SPIRE1: variants seen among roughly 807,000 people sequenced by gnomAD.
SPIRE1 encodes the protein protein spire homolog 1.
Under a neutral mutation model 94.1 loss-of-function variants are expected in SPIRE1, and 40 were observed. The observed-to-expected ratio is 0.43, with a 90% CI of 0.33 to 0.55. SPIRE1 has a LOEUF of 0.55. Ranked by LOEUF, SPIRE1 falls within the 20% of genes least tolerant of loss-of-function variation. The pLI is 0.06. For synonymous variants in SPIRE1, 376 were observed against 371.7 expected, an observed-to-expected ratio of 1.01 and a Z score of -0.13; for missense variants, 838 against 975.2, an observed-to-expected ratio of 0.86 and a Z score of 1.87.
upstream of SPIRE1, chr18:12,658,433 G>A (rs2038624856): frequency 2.5e-5 from 10 of 402,784 alleles, no homozygotes; most frequent in Non-Finnish European, 4.6e-5. Flanking sequence ...GGGGCCGGGC[G>A]CGCGGTCGGG....
intron 2 of SPIRE1, among the ~76,000 whole-genome samples, chr18:12,622,166 G>A (rs1342951729): frequency 6.6e-6 from 1 of 152,172 alleles, no homozygotes; most frequent in Admixed American, 6.5e-5. Flanking sequence ...TGCTTACCAT[G>A]GGTCAGTTGG....
intron 1 of SPIRE1, among the ~76,000 whole-genome samples, chr18:12,653,647 C>A (rs907504560): frequency 6.6e-6 from 1 of 152,202 alleles, no homozygotes; most frequent in Non-Finnish European, 1.5e-5. Flanking sequence ...CCCTAAACGT[C>A]CATTTAGAAA....
intron 1 of SPIRE1, among the ~76,000 whole-genome samples, chr18:12,645,302 G>C (rs192517834): frequency 6.0e-4 from 92 of 152,252 alleles, no homozygotes; most frequent in Non-Finnish European, 1.1e-3. Flanking sequence ...AAGGAGCTTG[G>C]TGGGAATCAA....
chr18:12,539,587 GCACACACA>G (rs57030414), intron 3 of SPIRE1, among the ~76,000 whole-genome samples: 7 of 139,014 alleles, frequency 5.0e-5, no homozygotes, highest in African/African-American at 1.3e-4. Flanking sequence ...ACACACACAC[GCACACACA>G]CACACACACA....
chr18:12,573,712 AC>A (rs1408710109), intron 2 of SPIRE1, among the ~76,000 whole-genome samples: 1 of 151,866 alleles, frequency 6.6e-6, no homozygotes, highest in African/African-American at 2.4e-5. Context: ...TAAAAAGTGA[AC>A]CCTTATGTAC....
At chr18:12,588,781 GT>G (rs1401702304) in intron 2 of SPIRE1, among the ~76,000 whole-genome samples, 1 of 152,018 alleles carries the variant, frequency 6.6e-6, no homozygotes, top group African/African-American at 2.4e-5. Context: ...CTAAATCTTT[GT>G]TTTTTTAACT....
intron 10 of SPIRE1, among the ~76,000 whole-genome samples, chr18:12,472,192 C>T (rs2032388371): frequency 6.6e-6 from 1 of 152,018 alleles, no homozygotes; most frequent in Admixed American, 6.6e-5. Context: ...GTGGCTCATG[C>T]CTGTAATCCT....
At chr18:12,648,854 C>T (rs2038295641) in intron 1 of SPIRE1, among the ~76,000 whole-genome samples, 1 of 131,742 alleles carries the variant, frequency 7.6e-6, no homozygotes. Context: ...CGCGCCATTG[C>T]ACTCCAGCCT....
chr18:12,624,018 G>A (rs1302476011), intron 2 of SPIRE1, among the ~76,000 whole-genome samples: 4 of 151,348 alleles, frequency 2.6e-5, no homozygotes, highest in African/African-American at 9.7e-5. Flanking sequence ...CTGCCTCAAG[G>A]GTTCAAGCCA....
chr18:12,592,859 C>A (rs1407819918), intron 2 of SPIRE1, among the ~76,000 whole-genome samples: 3 of 152,176 alleles, frequency 2.0e-5, no homozygotes, highest in Admixed American at 6.5e-5. Flanking sequence ...CTAATCCAGT[C>A]GTTGTTTTCC....
rs1245383291 is a variant in SPIRE1, at chr18:12,449,055, A to G, written c.*583T>C. The G allele has an allele frequency of 6.5e-6, 1 of 153,746 alleles. No individual in the cohort carries two copies. Among genetic ancestry groups the G allele is most frequent in the Non-Finnish European group, 1.5e-5 (1 of 68,962 alleles). The allele number at this position is 153,746 out of a possible 1,614,324, so 9.5% of individuals were successfully genotyped here. ...TACAGCTCTTCAGATGTTTTGCACT[A>G]GAATGCAGGCAAAAAGTCCCTTATG... On this transcript the variant is annotated 3_prime_UTR_variant, in exon 17 of 17. Transcript: ENST00000409402.
intron 10 of SPIRE1, among the ~76,000 whole-genome samples, chr18:12,473,676 T>C (rs1267469391): frequency 3.9e-5 from 6 of 152,184 alleles, no homozygotes; most frequent in Admixed American, 3.9e-4. Flanking sequence ...TTGTAATTGA[T>C]AATGTAAATA....
At chr18:12,612,850 T>C (rs1039619911) in intron 2 of SPIRE1, among the ~76,000 whole-genome samples, 1 of 152,188 alleles carries the variant, frequency 6.6e-6, no homozygotes, top group Non-Finnish European at 1.5e-5. Flanking sequence ...CAATACCTTT[T>C]TCCTTATCTC....
chr18:12,617,159 ATTTTTTT>A (rs60768224), intron 2 of SPIRE1, among the ~76,000 whole-genome samples: 4 of 137,458 alleles, frequency 2.9e-5, no homozygotes, highest in African/African-American at 8.3e-5. Flanking sequence ...CATGCTCACT[ATTTTTTT>A]TTTTTTTTTT....
At position 12,657,762 on chromosome 18, in the gene SPIRE1, G is replaced by GC; in HGVS notation, c.104dup (p.Ser36LeufsTer79). The GC allele has an allele frequency of 1.5e-6, 2 of 1,340,172 alleles. No individual in the cohort carries two copies. The highest frequency in any genetic ancestry group is 1.8e-5 in the South Asian group (1 of 56,798). The allele number at this position is 1,340,172 out of a possible 1,614,324, so 83.0% of individuals were successfully genotyped here. ...CCTCCAGGCTCAGCGCGTCCCGGGA[G>GC]CCCCCGGCCGCGCCGCCGGCTGCCC... On this transcript the variant is annotated frameshift_variant, in exon 1 of 17. Coordinates refer to ENST00000409402, the MANE Select transcript of SPIRE1 (RefSeq NM_001128626.2). LOFTEE classifies it high-confidence loss of function.
At chr18:12,519,985 T>C (rs1250548407) in intron 4 of SPIRE1, among the ~76,000 whole-genome samples, 2 of 152,184 alleles carry the variant, frequency 1.3e-5, no homozygotes, top group Non-Finnish European at 2.9e-5. Flanking sequence ...TTAAAAATTA[T>C]CCATGACACC....
chr18:12,526,302 T>C (rs1203259256), intron 4 of SPIRE1, among the ~76,000 whole-genome samples: 1 of 152,168 alleles, frequency 6.6e-6, no homozygotes, highest in South Asian at 2.1e-4. Context: ...GTGTGCTGTT[T>C]ACTATGCCTG....
chr18:12,559,203 A>G lies in SPIRE1; in HGVS notation c.373-12299T>C, dbSNP rs1172125506. ...TGGGGTGGGGTGGGGGGGCGCCGGCATGGCAGGCTGCAGGTCCCGAGCCCT... is the reference window on the plus strand; with the variant it reads ...TGGGGTGGGGTGGGGGGGCGCCGGCGTGGCAGGCTGCAGGTCCCGAGCCCT... On this transcript the variant is annotated intron_variant, in intron 2 of 16. Coordinates refer to ENST00000409402, the MANE Select transcript of SPIRE1 (RefSeq NM_001128626.2). The surrounding 1 kb of genome is among the most constrained non-coding windows in gnomAD (Gnocchi z 4.7). 3.3e-5 allele frequency among the ~76,000 whole-genome samples: 5 copies of G among 151,738 alleles called. No individual in the cohort carries two copies. Among genetic ancestry groups the G allele is most frequent in the African/African-American group, 9.7e-5 (4 of 41,328 alleles).
chr18:12,640,698 G>A (rs1432084250), intron 1 of SPIRE1, among the ~76,000 whole-genome samples: 4 of 152,212 alleles, frequency 2.6e-5, no homozygotes, highest in Non-Finnish European at 5.9e-5. Flanking sequence ...AAGCTGGGTA[G>A]AACCAACTGC....
Sources: allele counts gnomAD v4.1 joint callset (sites outside exome capture counted in the v4.1 genomes callset), GRCh38; gene constraint gnomAD v4.1.1; non-coding constraint Gnocchi (gnomAD v3.1); transcripts MANE v1.5; gene names NCBI Gene and HGNC (gene_info 2026-07-23, HGNC 2026-07-21).